The following CNTN4 variants were observed in gnomAD, a reference collection of about 807,000 sequenced individuals.
CNTN4 encodes contactin 4.
CNTN4 carries 77 observed loss-of-function variants against 122.5 expected under a neutral mutation model. The observed-to-expected ratio is 0.63, with a 90% confidence interval of 0.52 to 0.76. CNTN4 has a LOEUF of 0.76. CNTN4 is among the 30% of genes least tolerant of loss of function. The probability of loss-of-function intolerance (pLI) is 0.00; values close to 1 mark genes in which losing one functional copy is unlikely to be tolerated. For synonymous variants in CNTN4, 512 were observed against 447.0 expected (o/e 1.15, Z -1.83); for missense variants, 1,256 against 1,259.1 (o/e 1.00, Z 0.04).
chr3:2,559,852 A>C (rs2078875777), intron 3 of CNTN4, among the ~76,000 whole-genome samples: 1 of 152,192 alleles, frequency 6.6e-6, no homozygotes, highest in Non-Finnish European at 1.5e-5. Flanking sequence ...TAGGCAAATA[A>C]ACCTAGAAAA....
chr3:2,594,593 G>GT (rs544751388), intron 4 of CNTN4, among the ~76,000 whole-genome samples: 178 of 151,620 alleles, frequency 1.2e-3, no homozygotes, highest in African/African-American at 4.0e-3. Context: ...TAATATTTAT[G>GT]TTTTTTTTGG....
At chr3:2,287,676 GA>G (rs1559415537) in intron 2 of CNTN4, among the ~76,000 whole-genome samples, 1,769 of 91,976 alleles carry the variant, frequency 0.019, 49 homozygotes, top group South Asian at 0.026. Flanking sequence ...AGAAGAAGAA[GA>G]AGAAGAAGAA....
chr3:2,597,553 C>G (rs2080828568), intron 4 of CNTN4, among the ~76,000 whole-genome samples: 1 of 152,096 alleles, frequency 6.6e-6, no homozygotes, highest in Non-Finnish European at 1.5e-5. Flanking sequence ...CATCTGGTGT[C>G]TGTAACCCAG....
At chr3:2,179,292 G>T (rs1340856986) in intron 2 of CNTN4, among the ~76,000 whole-genome samples, 1 of 151,904 alleles carries the variant, frequency 6.6e-6, no homozygotes, top group African/African-American at 2.4e-5. Context: ...TTGGAGGGGG[G>T]AAATAAGAAA....
intron 6 of CNTN4, among the ~76,000 whole-genome samples, chr3:2,803,917 C>G (rs964044109): frequency 1.3e-5 from 2 of 151,968 alleles, no homozygotes; most frequent in Non-Finnish European, 2.9e-5. Context: ...CACAGCTACA[C>G]CCATTGAGAC....
At chr3:2,615,960 T>G (rs1412220144) in intron 4 of CNTN4, among the ~76,000 whole-genome samples, 6 of 151,854 alleles carry the variant, frequency 4.0e-5, no homozygotes, top group Non-Finnish European at 8.8e-5. Context: ...ATACCATAAA[T>G]TCCTCTTTAA....
chr3:2,698,559 C>A (rs775235602), intron 4 of CNTN4, among the ~76,000 whole-genome samples: 30 of 152,230 alleles, frequency 2.0e-4, no homozygotes, highest in Middle Eastern at 3.4e-3. Flanking sequence ...AGTTTCAGTG[C>A]TAGTGTTCTT....
chr3:2,706,696 G>A (rs931137393), intron 4 of CNTN4, among the ~76,000 whole-genome samples: 1 of 152,098 alleles, frequency 6.6e-6, no homozygotes, highest in Non-Finnish European at 1.5e-5. Flanking sequence ...GGGTAGATGG[G>A]TGCTAAAGAA....
At chr3:2,560,789 C>T (rs1483049638) in intron 3 of CNTN4, among the ~76,000 whole-genome samples, 2 of 152,140 alleles carry the variant, frequency 1.3e-5, no homozygotes, top group Non-Finnish European at 2.9e-5. Context: ...TGAGGGAAGA[C>T]CCTGTCTTAT....
intron 24 of CNTN4, 84 bp from the exon 25 acceptor site, chr3:3,056,036 T>C (rs1221925758): frequency 6.8e-6 from 6 of 885,738 alleles, no homozygotes; most frequent in African/African-American, 3.3e-5. Flanking sequence ...CATGCAGTTC[T>C]GCTGTTTCAA....
intron 4 of CNTN4, among the ~76,000 whole-genome samples, chr3:2,637,568 G>A (rs750306772): frequency 1.3e-5 from 2 of 152,118 alleles, no homozygotes; most frequent in Non-Finnish European, 2.9e-5. Context: ...GTCACCCCGT[G>A]ATTGGTCCCT....
intron 3 of CNTN4, among the ~76,000 whole-genome samples, chr3:2,372,563 G>A (rs778409704): frequency 6.6e-6 from 1 of 152,176 alleles, no homozygotes; most frequent in African/African-American, 2.4e-5. Context: ...TGAAAAATGT[G>A]AGTTTATAAA....
intron 7 of CNTN4, among the ~76,000 whole-genome samples, chr3:2,865,399 T>G (rs1395616929): frequency 1.3e-5 from 2 of 152,166 alleles, no homozygotes; most frequent in African/African-American, 4.8e-5. Flanking sequence ...AAAATGCCTT[T>G]TACAGTAATT....
intron 2 of CNTN4, among the ~76,000 whole-genome samples, chr3:2,170,137 C>A (rs949919612): frequency 6.6e-6 from 1 of 151,354 alleles, no homozygotes; most frequent in Non-Finnish European, 1.5e-5. Flanking sequence ...CTGGCTAACA[C>A]GGTGAAACCC....
At chr3:2,592,007 A>G (rs2080518783) in intron 4 of CNTN4, among the ~76,000 whole-genome samples, 1 of 151,916 alleles carries the variant, frequency 6.6e-6, no homozygotes, top group South Asian at 2.1e-4. Context: ...CCTCCCTAGT[A>G]TGCTGGGACT....
At chr3:2,636,944 T>G (rs1036345715) in intron 4 of CNTN4, among the ~76,000 whole-genome samples, 1 of 142,362 alleles carries the variant, frequency 7.0e-6, no homozygotes, top group African/African-American at 2.6e-5. Flanking sequence ...TTTTTGGTTT[T>G]TTTTTTTTTT....
rs1553710697 is a variant in CNTN4, at chr3:2,969,515, G to GGATTAT, written c.1359-18829_1359-18824dup. ...GACATGATTTCCCAAAGGAAAATTG[G>GGATTAT]GATTATTATTATTATTATTATTATT... On this transcript the variant is annotated intron_variant, in intron 13 of 24. Transcript: ENST00000418658. Among the ~76,000 whole-genome samples, 189 of 143,698 alleles carry GGATTAT rather than the reference G, an allele frequency of 1.3e-3. 1 individual carries two copies. Among genetic ancestry groups the GGATTAT allele is most frequent in the African/African-American group, 4.5e-3 (180 of 39,576 alleles). 94.3% of individuals were successfully genotyped at this position (143,698 alleles called of 152,430 possible). A position where few individuals can be genotyped will look rare whatever the true frequency, so the allele number is the denominator to read the frequency against.
intron 2 of CNTN4, among the ~76,000 whole-genome samples, chr3:2,223,873 C>G (rs1445680072): frequency 6.6e-6 from 1 of 152,122 alleles, no homozygotes; most frequent in Admixed American, 6.5e-5. Flanking sequence ...AAAACGGGGT[C>G]CCACAACTTG....
At chr3:2,542,937 A>G (rs1429807111) in intron 3 of CNTN4, among the ~76,000 whole-genome samples, 1 of 152,028 alleles carries the variant, frequency 6.6e-6, no homozygotes, top group Non-Finnish European at 1.5e-5. Context: ...AAACATTTCC[A>G]CCCATTATGT....
Sources: gnomAD v4.1 joint callset for allele counts (sites outside exome capture counted in the v4.1 genomes callset) on GRCh38, gnomAD v4.1.1 for gene constraint, MANE v1.5 for transcripts, NCBI Gene and HGNC (gene_info 2026-07-23, HGNC 2026-07-21) for gene names.